TMEM117: variants seen among roughly 807,000 people sequenced by gnomAD.
TMEM117 encodes transmembrane protein 117.
Under a neutral mutation model 52.4 loss-of-function variants are expected in TMEM117, and 27 were observed. The ratio of observed to expected loss-of-function variants is 0.51; its 90% CI spans 0.38 to 0.71. The LOEUF (loss-of-function observed/expected upper bound fraction) is 0.71, where lower values mean the gene tolerates loss of function less well. Ranked by LOEUF, TMEM117 falls within the 30% of genes least tolerant of loss-of-function variation. TMEM117 has a pLI of 0.00. For synonymous variants in TMEM117, 215 were observed against 206.3 expected, an observed-to-expected ratio of 1.04 and a Z score of -0.36; for missense variants, 556 against 630.5, an observed-to-expected ratio of 0.88 and a Z score of 1.26.
intron 3 of TMEM117, among the ~76,000 whole-genome samples, chr12:44,115,322 G>A (rs568745767): frequency 1.3e-5 from 2 of 152,264 alleles, no homozygotes; most frequent in African/African-American, 2.4e-5. Flanking sequence ...GTGGGGAGAA[G>A]GGGGAGGGAT....
chr12:44,019,428 T>A (rs1455553702), intron 3 of TMEM117, among the ~76,000 whole-genome samples: 1 of 152,072 alleles, frequency 6.6e-6, no homozygotes, highest in Non-Finnish European at 1.5e-5. Context: ...GGGTACTGGC[T>A]CATTCAAATC....
chr12:44,089,715 A>G (rs1485485323), intron 3 of TMEM117, among the ~76,000 whole-genome samples: 1 of 152,154 alleles, frequency 6.6e-6, no homozygotes, highest in Non-Finnish European at 1.5e-5. Context: ...TTCCCAGTCT[A>G]GTGAATAGCA....
chr12:44,117,007 A>G (rs1263244683), intron 3 of TMEM117, among the ~76,000 whole-genome samples: 1 of 152,184 alleles, frequency 6.6e-6, no homozygotes, highest in Non-Finnish European at 1.5e-5. Flanking sequence ...ATCCAAGCTT[A>G]GAATCATTGA....
chr12:44,384,527 TACTGCAAGCAGTAG>T (rs1366669524), intron 7 of TMEM117, among the ~76,000 whole-genome samples: 1 of 152,074 alleles, frequency 6.6e-6, no homozygotes, highest in Non-Finnish European at 1.5e-5. Flanking sequence ...GGGCCAATAC[TACTGCAAGCAGTAG>T]ACAAACTACT....
the TMEM117 span, among the ~76,000 whole-genome samples, chr12:43,799,085 A>G: frequency 3.9e-5 from 6 of 152,134 alleles, no homozygotes; most frequent in African/African-American, 1.4e-4. Flanking sequence ...TAAATGGGTA[A>G]CACACACTTT....
At position 44,388,873 on chromosome 12, in the gene TMEM117, C is replaced by T. The variant is rs1203474431; in HGVS notation, c.*201C>T. On this transcript the variant is annotated 3_prime_UTR_variant, in exon 8 of 8. Transcript: ENST00000266534. ...ATACACGTGCCTACTGTATACTCAA[C>T]AGTCCTCTAGAGATTGCTTTTCACA... 10 of 606,702 alleles carry T rather than the reference C, an allele frequency of 1.6e-5. No homozygotes were observed. In the East Asian group the frequency reaches 2.9e-4, roughly 18 times the overall value. 37.6% of individuals were successfully genotyped at this position (606,702 alleles called of 1,614,324 possible). A position where few individuals can be genotyped will look rare whatever the true frequency, so the allele number is the denominator to read the frequency against.
chr12:44,299,890 T>C, intron 6 of TMEM117, 151 bp downstream of exon 6: 2 of 1,088,280 alleles, frequency 1.8e-6, no homozygotes, highest in Non-Finnish European at 2.6e-6. Flanking sequence ...TTTTCAGCTA[T>C]TATACTGGGA....
intron 2 of TMEM117, among the ~76,000 whole-genome samples, chr12:43,935,376 C>T (rs1360583569): frequency 6.6e-6 from 1 of 152,164 alleles, no homozygotes; most frequent in African/African-American, 2.4e-5. Flanking sequence ...AATCAAATTT[C>T]ATTTTATCTT....
intron 4 of TMEM117, among the ~76,000 whole-genome samples, chr12:44,187,675 C>T (rs1018200445): frequency 1.3e-5 from 2 of 152,124 alleles, no homozygotes; most frequent in African/African-American, 4.8e-5. Flanking sequence ...GCAGCCACTT[C>T]TCAGGCAAAG....
At chr12:43,894,018 A>G (rs1394539230) in intron 2 of TMEM117, among the ~76,000 whole-genome samples, 1 of 152,188 alleles carries the variant, frequency 6.6e-6, no homozygotes, top group Admixed American at 6.5e-5. Flanking sequence ...CAGGAGACCA[A>G]GATGGAAGCT....
rs1466850581 is a variant in TMEM117, at chr12:44,389,703, G to A, written c.*1031G>A. 6.6e-6 allele frequency: 1 copy of A among 152,432 alleles called. No homozygotes were observed. Among genetic ancestry groups the A allele is most frequent in the African/African-American group, 2.4e-5 (1 of 41,406 alleles). The allele number at this position is 152,432 out of a possible 1,614,324, so 9.4% of individuals were successfully genotyped here. On this transcript the variant is annotated 3_prime_UTR_variant, in exon 8 of 8. Transcript: ENST00000266534. ...GTCTTGTTTTGCGTATGTGTTTTTT[G>A]TTTTTGTTTTTTAAGAACTAAATAT...
chr12:44,357,852 C>T (rs1488901589), intron 6 of TMEM117, among the ~76,000 whole-genome samples: 1 of 152,006 alleles, frequency 6.6e-6, no homozygotes. Flanking sequence ...AATTGTTCTT[C>T]CAGAAAGACA....
At chr12:44,221,339 G>A (rs1349303258) in intron 5 of TMEM117, among the ~76,000 whole-genome samples, 3 of 152,186 alleles carry the variant, frequency 2.0e-5, no homozygotes, top group Admixed American at 1.3e-4. Flanking sequence ...TATAGCAGAA[G>A]ATTTTGTTGT....
chr12:43,979,777 T>C (rs74084783), intron 3 of TMEM117, among the ~76,000 whole-genome samples: 1,573 of 152,250 alleles, frequency 0.01, 31 homozygotes, highest in African/African-American at 0.036. Flanking sequence ...GGCTTTAAAT[T>C]GCTCCTCAAC....
intron 3 of TMEM117, among the ~76,000 whole-genome samples, chr12:44,120,843 A>G (rs1447174331): frequency 2.6e-5 from 4 of 152,150 alleles, no homozygotes; most frequent in Non-Finnish European, 5.9e-5. Context: ...CATCCCCTTC[A>G]TCTGTGGAGG....
At chr12:44,202,009 A>G (rs529040935) in intron 4 of TMEM117, among the ~76,000 whole-genome samples, 2 of 152,228 alleles carry the variant, frequency 1.3e-5, no homozygotes, top group East Asian at 3.9e-4. Context: ...TATCATCTTT[A>G]TATATCAAGA....
intron 3 of TMEM117, among the ~76,000 whole-genome samples, chr12:43,987,381 AT>A (rs887465670): frequency 5.9e-5 from 9 of 152,284 alleles, no homozygotes; most frequent in African/African-American, 2.2e-4. Flanking sequence ...TGCTAGAGTG[AT>A]TTTTTAATGT....
intron 3 of TMEM117, among the ~76,000 whole-genome samples, chr12:44,100,370 A>G (rs1279201462): frequency 6.6e-6 from 1 of 152,010 alleles, no homozygotes; most frequent in Non-Finnish European, 1.5e-5. Context: ...AGAGTTTGGA[A>G]TATATATAGA....
chr12:43,849,296 GAAATTTT>G (rs1219820229), intron 2 of TMEM117, among the ~76,000 whole-genome samples: 10 of 152,148 alleles, frequency 6.6e-5, no homozygotes, highest in African/African-American at 2.4e-4. Context: ...TCCCATTCAA[GAAATTTT>G]CTCAGCATAG....
Sources: gnomAD v4.1 joint callset for allele counts (sites outside exome capture counted in the v4.1 genomes callset) on GRCh38, gnomAD v4.1.1 for gene constraint, MANE v1.5 for transcripts, NCBI Gene and HGNC (gene_info 2026-07-23, HGNC 2026-07-21) for gene names.